Variants in P2RX7 observed in about 807,000 individuals in gnomAD.
The protein encoded by P2RX7 is P2X purinoceptor 7.
Under a neutral mutation model 71.6 loss-of-function variants are expected in P2RX7, and 62 were observed. The observed-to-expected ratio is 0.87, with a 90% confidence interval of 0.71 to 1.07. The LOEUF is 1.07. Among genes scored for constraint, P2RX7 ranks in the 50% least tolerant of loss-of-function variants. The probability of loss-of-function intolerance (pLI) is 0.00; values close to 1 mark genes in which losing one functional copy is unlikely to be tolerated. For synonymous variants in P2RX7, 299 were observed against 283.3 expected, an observed-to-expected ratio of 1.06 and a Z score of -0.56; for missense variants, 686 against 748.5, an observed-to-expected ratio of 0.92 and a Z score of 0.97.
At chr12:121,177,846 G>A (rs796464181) in intron 11 of P2RX7, among the ~76,000 whole-genome samples, 11 of 152,018 alleles carry the variant, frequency 7.2e-5, no homozygotes, top group African/African-American at 2.4e-4. Flanking sequence ...AACCTCCCAA[G>A]TAGCTGGGAC....
intron 11 of P2RX7, among the ~76,000 whole-genome samples, chr12:121,179,804 T>C (rs967715656): frequency 6.6e-6 from 1 of 152,176 alleles, no homozygotes; most frequent in Admixed American, 6.5e-5. Context: ...GGGGGTCCAA[T>C]GTAAAAACAT....
chr12:121,187,657 T>C lies in P2RX7; in HGVS notation c.*2855T>C, dbSNP rs190632730. 6.6e-6 allele frequency: 1 copy of C among 152,224 alleles called. No individual in the cohort carries two copies. The allele number at this position is 152,224 out of a possible 1,614,324, so 9.4% of individuals were successfully genotyped here. A position where few individuals can be genotyped will look rare whatever the true frequency, so the allele number is the denominator to read the frequency against. ...CCCACTGATGCTCTGGGCGAGAGAG[T>C]GATGTGTCACTTCAACTGTGTGTAA... On this transcript the variant is annotated 3_prime_UTR_variant, in exon 13 of 13. Coordinates refer to ENST00000328963, the MANE Select transcript of P2RX7 (RefSeq NM_002562.6).
At chr12:121,181,782 G>T (rs949785701) in intron 12 of P2RX7, among the ~76,000 whole-genome samples, 2 of 152,244 alleles carry the variant, frequency 1.3e-5, no homozygotes, top group Admixed American at 1.3e-4. Flanking sequence ...GCATGAACCT[G>T]GGAGGCAGAG....
rs757287623 is a variant in P2RX7 at position 121,184,354 on chromosome 12, A to C, written c.1340A>C (p.His447Pro). 6.2e-7 allele frequency: 1 copy of C among 1,613,910 alleles called. No homozygotes were observed. Among genetic ancestry groups the C allele is most frequent in the Non-Finnish European group, 8.5e-7 (1 of 1,179,994 alleles). The change falls in exon 13 of 13, where the codon CAT becomes CCT. Residue 447 changes from histidine to proline, a missense_variant. Transcript: ENST00000328963. ...TDLSRLPLALHDTPPIPGQPE... is the reference protein window; with the variant it reads ...TDLSRLPLALPDTPPIPGQPE... ...TTGTCCAGGCTGCCCCTGGCCCTCC[A>C]TGACACACCCCCGATTCCTGGACAA...
rs114217534 is a variant in P2RX7 at position 121,155,708 on chromosome 12, T to C, written c.295-371T>C. Among the ~76,000 whole-genome samples the C allele has an allele frequency of 3.8e-3, 584 of 152,170 alleles. 5 individuals are homozygous for C. Among genetic ancestry groups the C allele is most frequent in the African/African-American group, 0.014 (566 of 41,512 alleles). On this transcript the variant is annotated intron_variant, in intron 2 of 12. Coordinates refer to ENST00000328963, the MANE Select transcript of P2RX7 (RefSeq NM_002562.6). ...CCTTTCATTAAAGTCTGGGAAAATC[T>C]GAACAGTGTTGTGATGAAGGCTGCT...
In P2RX7 at chr12:121,171,222, C is replaced by T. The variant is rs575582804; in HGVS notation, c.881+3598C>T. ...CAGCAGGGCCACACTCGCTCTGATG[C>T]TCTACGGGAGGGTCCTCTCTTGCCT... On this transcript the variant is annotated intron_variant, in intron 8 of 12. Coordinates refer to ENST00000328963, the MANE Select transcript of P2RX7 (RefSeq NM_002562.6). Among the ~76,000 whole-genome samples the T allele has an allele frequency of 6.6e-5, 10 of 152,254 alleles. No individual in the cohort carries two copies. In the South Asian group the frequency reaches 2.1e-3, roughly 32 times the overall value.
chr12:121,154,848 C>T lies in P2RX7; in HGVS notation c.189C>T (p.Thr63=). Residue 63 remains threonine, a synonymous_variant, in exon 2 of 13, where the codon ACC becomes ACT. Coordinates refer to ENST00000328963, the MANE Select transcript of P2RX7 (RefSeq NM_002562.6). This position sits in a 1 kb window ranked among gnomAD's most constrained non-coding sequence, Gnocchi z 4.2. The stretch of plus-strand genomic sequence containing the variant: ...AGCCTGTCATCAGTTCTGTGCACAC[C>T]AAGGTGAAGGGGATAGCAGAGGTGA... ...RKEPVISSVH[T]KVKGIAEVKE... is the part of the protein sequence containing the mutation. 1 of 1,614,196 alleles carries T rather than the reference C, an allele frequency of 6.2e-7. No homozygotes were observed.
chr12:121,184,904 G>A lies in P2RX7; in HGVS notation c.*102G>A, dbSNP rs1200498859. On this transcript the variant is annotated 3_prime_UTR_variant, in exon 13 of 13. Transcript: ENST00000328963. ...GTTGGAGACCCGCCTGGCTAACAAG[G>A]CGAAATCCTGTCTGTACTAAAAATA... The A allele has an allele frequency of 2.3e-6, 2 of 879,270 alleles. No individual in the cohort carries two copies. The highest frequency in any genetic ancestry group is 1.7e-5 in the African/African-American group (1 of 59,112). 54.5% of individuals were successfully genotyped at this position (879,270 alleles called of 1,614,324 possible).
In P2RX7 at chr12:121,154,933, G is replaced by C; in HGVS notation, c.274G>C (p.Asp92His). 1 of 1,613,238 alleles carries C rather than the reference G, an allele frequency of 6.2e-7. No homozygotes were observed. The highest frequency in any genetic ancestry group is 8.5e-7 in the Non-Finnish European group (1 of 1,179,736). ...KLVHSVFDTA[D>H]YTFPLQGNSF... ...GGTGCACAGTGTCTTTGACACCGCA[G>C]ACTACACCTTCCCTTTGCAGGTGAG... is the stretch of plus-strand genomic sequence containing the variant. Residue 92 changes from aspartate (D) to histidine (H), a missense_variant, in exon 2 of 13, where the codon GAC becomes CAC. Coordinates refer to ENST00000328963, the MANE Select transcript of P2RX7 (RefSeq NM_002562.6). The surrounding 1 kb of genome is among the most constrained non-coding windows in gnomAD (Gnocchi z 4.2).
At chr12:121,173,059 T>G (rs1310569486) in intron 8 of P2RX7, among the ~76,000 whole-genome samples, 1 of 152,242 alleles carries the variant, frequency 6.6e-6, no homozygotes, top group African/African-American at 2.4e-5. Flanking sequence ...TTTTCCTGAC[T>G]GCAGCACTGG....
rs1436686589 is a variant in P2RX7, at chr12:121,136,017, A to T, written c.125+2922A>T. Among the ~76,000 whole-genome samples, 9 of 18,478 alleles carry T rather than the reference A, an allele frequency of 4.9e-4. 1 individual carries two copies. Among genetic ancestry groups the T allele is most frequent in the Non-Finnish European group, 1.8e-3 (4 of 2,244 alleles). 12.1% of individuals were successfully genotyped at this position (18,478 alleles called of 152,430 possible). A position where few individuals can be genotyped will look rare whatever the true frequency, so the allele number is the denominator to read the frequency against. ...AGACTCTGTCTCAAAAAAAAAAAAA[A>T]AAAAAAATATATATATATATATATA... On this transcript the variant is annotated intron_variant, in intron 1 of 12. Transcript: ENST00000328963.
chr12:121,141,735 A>G (rs1874922828), intron 1 of P2RX7, among the ~76,000 whole-genome samples: 2 of 152,212 alleles, frequency 1.3e-5, no homozygotes, highest in Non-Finnish European at 2.9e-5. Context: ...TTCTGTTCTT[A>G]GCATGTGACA....
intron 11 of P2RX7, among the ~76,000 whole-genome samples, chr12:121,179,389 T>A (rs1183154402): frequency 6.6e-6 from 1 of 151,110 alleles, no homozygotes; most frequent in Non-Finnish European, 1.5e-5. Flanking sequence ...AATCCCAGCT[T>A]CTCTAGAGGC....
chr12:121,155,259 G>A lies in P2RX7; in HGVS notation c.294+306G>A, dbSNP rs116422936. The A allele has an allele frequency of 7.3e-4, 988 of 1,350,404 alleles. 6 individuals carry two copies. In the African/African-American group the frequency reaches 0.013, roughly 18 times the overall value. The allele number at this position is 1,350,404 out of a possible 1,614,324, so 83.7% of individuals were successfully genotyped here. Reference sequence around the variant, plus strand: ...AGCTTTTTAGACGCACAGCCACCAAGCCAGCAAGGTCTGCCGAGATTCAGA... The same window carrying A: ...AGCTTTTTAGACGCACAGCCACCAAACCAGCAAGGTCTGCCGAGATTCAGA... On this transcript the variant is annotated intron_variant, in intron 2 of 12. Coordinates refer to ENST00000328963, the MANE Select transcript of P2RX7 (RefSeq NM_002562.6).
In P2RX7 at chr12:121,155,045, G is replaced by GA. The variant is rs1382492532; in HGVS notation, c.294+98dup. The GA allele has an allele frequency of 8.4e-6, 13 of 1,549,840 alleles. No individual in the cohort carries two copies. In the African/African-American group the frequency reaches 9.6e-5, roughly 11 times the overall value. On this transcript the variant is annotated intron_variant, in intron 2 of 12. Coordinates refer to ENST00000328963, the MANE Select transcript of P2RX7 (RefSeq NM_002562.6). Reference sequence around the variant, plus strand: ...CCCTAGGATCTACAGCCTCACTCCAGAAAAAACGCTGGTCCTATTTTAAAA... The same window carrying GA: ...CCCTAGGATCTACAGCCTCACTCCAGAAAAAAACGCTGGTCCTATTTTAAAA...
chr12:121,140,447 C>T (rs879333150), intron 1 of P2RX7, among the ~76,000 whole-genome samples: 9 of 152,132 alleles, frequency 5.9e-5, no homozygotes, highest in South Asian at 2.1e-4. Context: ...ACAAGAATGA[C>T]GGTGAGGAAC....
At position 121,154,851 on chromosome 12, in the gene P2RX7, G is replaced by T. The variant is rs1878227153; in HGVS notation, c.192G>T (p.Lys64Asn). 1 of 1,614,108 alleles carries T rather than the reference G, an allele frequency of 6.2e-7. No individual in the cohort carries two copies. Among genetic ancestry groups the T allele is most frequent in the African/African-American group, 1.3e-5 (1 of 74,938 alleles). ...KEPVISSVHT[K>N]VKGIAEVKEE... ...CTGTCATCAGTTCTGTGCACACCAA[G>T]GTGAAGGGGATAGCAGAGGTGAAAG... is the stretch of plus-strand genomic sequence containing the variant. The change falls in exon 2 of 13, where the codon AAG becomes AAT. Residue 64 changes from lysine (K) to asparagine (N), a missense_variant. By Grantham distance (94) the Lys-to-Asn change is moderately conservative. Coordinates refer to ENST00000328963, the MANE Select transcript of P2RX7 (RefSeq NM_002562.6). This position sits in a 1 kb window ranked among gnomAD's most constrained non-coding sequence, Gnocchi z 4.2.
At chr12:121,172,170 A>G (rs897508805) in intron 8 of P2RX7, among the ~76,000 whole-genome samples, 2 of 152,140 alleles carry the variant, frequency 1.3e-5, no homozygotes, top group Non-Finnish European at 2.9e-5. Flanking sequence ...CATCACCCCA[A>G]GTGATTCTTG....
intron 12 of P2RX7, among the ~76,000 whole-genome samples, chr12:121,182,332 AAGTGAAC>A (rs1884279012): frequency 6.6e-6 from 1 of 152,222 alleles, no homozygotes; most frequent in Admixed American, 6.5e-5. Context: ...TTTGTGTATG[AAGTGAAC>A]TACAGTCATG....
Sources: allele counts gnomAD v4.1 joint callset (sites outside exome capture counted in the v4.1 genomes callset), GRCh38; gene constraint gnomAD v4.1.1; non-coding constraint Gnocchi (gnomAD v3.1); transcripts MANE v1.5; gene names NCBI Gene and HGNC (gene_info 2026-07-23, HGNC 2026-07-21).